STK40: variants seen among roughly 807,000 people sequenced by gnomAD.
STK40 encodes the protein serine/threonine kinase 40, also known as serine/threonine-protein kinase 40.
STK40 carries 13 observed loss-of-function variants against 47.9 expected under a neutral mutation model. The ratio of observed to expected loss-of-function variants is 0.27; its 90% CI spans 0.18 to 0.43. STK40 has a LOEUF of 0.43. STK40 is among the 20% of genes least tolerant of loss of function. The pLI, the probability that STK40 is intolerant of heterozygous loss-of-function variation, is 1.00. For missense variants in STK40, 460 were observed against 595.1 expected (o/e 0.77, Z 2.36); for synonymous variants, 225 against 243.2 (o/e 0.93, Z 0.69).
chr1:36,361,407 T>C, intron 1 of STK40, 67 bp from the exon 2 acceptor site: 1 of 1,598,824 alleles, frequency 6.3e-7, no homozygotes, highest in Admixed American at 1.7e-5. Flanking sequence ...TAACCCAGCC[T>C]GCAGGCCTTT....
At chr1:36,347,245 CAT>C (rs1027772102) in intron 7 of STK40, among the ~76,000 whole-genome samples, 17 of 152,306 alleles carry the variant, frequency 1.1e-4, no homozygotes, top group Non-Finnish European at 2.1e-4. Flanking sequence ...AGGGCGCACT[CAT>C]GTGTGGGGTG....
chr1:36,379,672 G>A (rs547319339), intron 1 of STK40, among the ~76,000 whole-genome samples: 8 of 152,176 alleles, frequency 5.3e-5, no homozygotes, highest in South Asian at 4.2e-4. Flanking sequence ...GAGCCACCGC[G>A]CCCGGCCTGG....
chr1:36,350,674 T>C (rs924539075), intron 6 of STK40, among the ~76,000 whole-genome samples: 1 of 152,232 alleles, frequency 6.6e-6, no homozygotes, highest in Non-Finnish European at 1.5e-5. Context: ...TCATCTCCGA[T>C]GGTTGGCACA....
intron 1 of STK40, among the ~76,000 whole-genome samples, chr1:36,377,243 A>C (rs1646999254): frequency 3.3e-5 from 5 of 151,932 alleles, no homozygotes; most frequent in Admixed American, 2.0e-4. Context: ...AATTATTAAG[A>C]GTAGTAGTGG....
chr1:36,356,970 A>G (rs1646811435), intron 4 of STK40, among the ~76,000 whole-genome samples: 1 of 152,242 alleles, frequency 6.6e-6, no homozygotes, highest in African/African-American at 2.4e-5. Context: ...AAATACTCTG[A>G]GTCACCTCTA....
chr1:36,348,454 C>T lies in STK40; in HGVS notation c.739+246G>A, dbSNP rs564724993. 2.6e-5 allele frequency among the ~76,000 whole-genome samples: 4 copies of T among 152,354 alleles called. No homozygotes were observed. In the South Asian group the frequency reaches 8.3e-4, roughly 32 times the overall value. On this transcript the variant is annotated intron_variant, in intron 7 of 10. Transcript: ENST00000373132. The stretch of plus-strand genomic sequence containing the variant: ...AAGTCCTCCAAGCACCCTTCATCCA[C>T]TCTCACAGCAATCCCGTTCCTCCCT...
At chr1:36,354,564 G>T in intron 5 of STK40, 148 bp from the exon 6 acceptor site, 1 of 793,510 alleles carries the variant, frequency 1.3e-6, no homozygotes, top group East Asian at 2.5e-5. Flanking sequence ...AGGCAGATCA[G>T]GACAGTTCTA....
intron 5 of STK40, among the ~76,000 whole-genome samples, chr1:36,354,775 T>TA (rs748707892): frequency 7.5e-4 from 114 of 152,270 alleles, no homozygotes; most frequent in Non-Finnish European, 1.3e-3. Flanking sequence ...GCTTTGTGAC[T>TA]AAGTACCACA....
rs1646726527 is a variant in STK40 at position 36,348,798 on chromosome 1, A to G, written c.641T>C (p.Ile214Thr). ...VLNKRTHRIT[I>T]TNFCLGKHLV... is the part of the protein sequence containing the mutation. ...ATGCTTCCCGAGGCAGAAGTTGGTG[A>G]TGGTTATCCGATGTGTCCTAGGAGT... Residue 214 changes from isoleucine to threonine, a missense_variant, in exon 7 of 11, where the codon ATC becomes ACC. This residue lies in a region of STK40 where 277 missense variants were observed against 358.7 expected (regional missense o/e 0.77). Transcript: ENST00000373132. The G allele has an allele frequency of 6.2e-7, 1 of 1,606,026 alleles. No individual in the cohort carries two copies. Among genetic ancestry groups the G allele is most frequent in the African/African-American group, 1.3e-5 (1 of 74,708 alleles).
chr1:36,342,027 C>T lies in STK40; in HGVS notation c.1090-54G>A, dbSNP rs11586216. 6.9e-4 allele frequency: 1,051 copies of T among 1,515,862 alleles called. 2 individuals are homozygous for T. Among genetic ancestry groups the T allele is most frequent in the Non-Finnish European group, 8.1e-4 (899 of 1,114,002 alleles). 93.9% of individuals were successfully genotyped at this position (1,515,862 alleles called of 1,614,324 possible). On this transcript the variant is annotated intron_variant, in intron 10 of 10. Coordinates refer to ENST00000373132, the MANE Select transcript of STK40 (RefSeq NM_001282547.2). ...CAAAGATAAACCCAGATGAAGGCAG[C>T]GCAGCAGACAGGAGGGCAGGCAAGA...
At chr1:36,385,527 G>C (rs1647078415) in intron 1 of STK40, among the ~76,000 whole-genome samples, 196 bp downstream of exon 1, 1 of 152,144 alleles carries the variant, frequency 6.6e-6, no homozygotes, top group Non-Finnish European at 1.5e-5. Flanking sequence ...CCGGTACCCG[G>C]CGCGAGGCAG....
At chr1:36,368,338 C>T (rs1646918760) in intron 1 of STK40, among the ~76,000 whole-genome samples, 1 of 152,158 alleles carries the variant, frequency 6.6e-6, no homozygotes, top group South Asian at 2.1e-4. Flanking sequence ...GCAGCTTCCA[C>T]CTGCCAGGCC....
At chr1:36,355,615 G>T (rs1246346961) in intron 4 of STK40, among the ~76,000 whole-genome samples, 182 bp from the exon 5 acceptor site, 1 of 152,202 alleles carries the variant, frequency 6.6e-6, no homozygotes, top group East Asian at 1.9e-4. Flanking sequence ...GGTCAGCACT[G>T]TGCAGCCTCT....
chr1:36,360,039 G>A (rs1646838198), intron 2 of STK40, among the ~76,000 whole-genome samples: 2 of 152,104 alleles, frequency 1.3e-5, no homozygotes, highest in Non-Finnish European at 1.5e-5. Context: ...CTCATCTCAC[G>A]TCATCGTGGA....
intron 7 of STK40, among the ~76,000 whole-genome samples, chr1:36,348,175 T>C (rs547387965): frequency 6.6e-6 from 1 of 152,374 alleles, no homozygotes. Context: ...AGTTAAGAAC[T>C]GTTCAATGGC....
chr1:36,361,338 G>C lies in STK40; in HGVS notation c.-6C>G. 1 of 1,614,090 alleles carries C rather than the reference G, an allele frequency of 6.2e-7. No homozygotes were observed. The highest frequency in any genetic ancestry group is 8.5e-7 in the Non-Finnish European group (1 of 1,180,042). ...TCTGATGCTCTCCGCTTCATTCTCAGCTCTAGACAAGACAGAAAGACCCCT... is the reference window on the plus strand; with the variant it reads ...TCTGATGCTCTCCGCTTCATTCTCACCTCTAGACAAGACAGAAAGACCCCT... On this transcript the variant is annotated splice_region_variant and 5_prime_UTR_variant, in exon 2 of 11. Coordinates refer to ENST00000373132, the MANE Select transcript of STK40 (RefSeq NM_001282547.2).
chr1:36,365,455 G>C (rs901518835), intron 1 of STK40, among the ~76,000 whole-genome samples: 1 of 152,302 alleles, frequency 6.6e-6, no homozygotes, highest in African/African-American at 2.4e-5. Flanking sequence ...AGAATAACTA[G>C]GATTGTGTAA....
At chr1:36,350,744 C>T (rs1227288684) in intron 6 of STK40, among the ~76,000 whole-genome samples, 1 of 152,232 alleles carries the variant, frequency 6.6e-6, no homozygotes, top group Non-Finnish European at 1.5e-5. Flanking sequence ...GGTGTGACAA[C>T]AGGCCCCGGA....
In STK40 at chr1:36,340,703, C is replaced by T. The variant is rs1232100557; in HGVS notation, c.*1052G>A. The T allele has an allele frequency of 6.5e-6, 1 of 152,708 alleles. No homozygotes were observed. Among genetic ancestry groups the T allele is most frequent in the African/African-American group, 2.4e-5 (1 of 41,456 alleles). The allele number at this position is 152,708 out of a possible 1,614,324, so 9.5% of individuals were successfully genotyped here. On this transcript the variant is annotated 3_prime_UTR_variant, in exon 11 of 11. Transcript: ENST00000373132. The stretch of plus-strand genomic sequence containing the variant: ...ATCCCTACAATTCTCCTGAGTCCCT[C>T]ACCACCATGGAGGACCCTTGCTAGG...
Sources: allele counts gnomAD v4.1 joint callset (sites outside exome capture counted in the v4.1 genomes callset), GRCh38; gene constraint gnomAD v4.1.1; regional missense constraint gnomAD v4.1.1; transcripts MANE v1.5; gene names NCBI Gene and HGNC (gene_info 2026-07-23, HGNC 2026-07-21).